PPM1H: variants seen among roughly 807,000 people sequenced by gnomAD.
The protein encoded by PPM1H is protein phosphatase 1H.
A neutral mutation model predicts 54.9 loss-of-function variants in PPM1H; 27 were observed. The ratio of observed to expected loss-of-function variants is 0.49; its 90% confidence interval spans 0.36 to 0.68. PPM1H has a LOEUF of 0.68. Ranked by LOEUF, PPM1H falls within the 30% of genes least tolerant of loss-of-function variation. The pLI is 0.00. For missense variants in PPM1H, 596 were observed against 667.8 expected, an observed-to-expected ratio of 0.89 and a Z score of 1.19; for synonymous variants, 305 against 270.8, an observed-to-expected ratio of 1.13 and a Z score of -1.24.
At chr12:62,931,601 A>G (rs1411489842) in intron 1 of PPM1H, among the ~76,000 whole-genome samples, 5 of 150,344 alleles carry the variant, frequency 3.3e-5, no homozygotes, top group African/African-American at 5.0e-5. Context: ...AGATGAATAC[A>G]TCATAATTTA....
Position 62,793,582 on chromosome 12 carries a change from G to A in PPM1H, c.757-5244C>T, listed in dbSNP as rs528765906. 4.6e-5 allele frequency among the ~76,000 whole-genome samples: 7 copies of A among 151,852 alleles called. No individual in the cohort carries two copies. In the East Asian group the frequency reaches 9.7e-4, roughly 21 times the overall value. ...TCTACTAAAAATACAAAATTAGCCG[G>A]GTGTGATGGCGCATGCTTGTAACCC... On this transcript the variant is annotated intron_variant, in intron 3 of 9. Transcript: ENST00000228705.
chr12:62,794,925 TC>T (rs905959628), intron 3 of PPM1H, among the ~76,000 whole-genome samples: 19 of 152,262 alleles, frequency 1.2e-4, no homozygotes, highest in Middle Eastern at 3.4e-3. Context: ...GAGATTTTGG[TC>T]CTTTAGGAAG....
intron 6 of PPM1H, among the ~76,000 whole-genome samples, chr12:62,719,127 A>G (rs893509767): frequency 2.0e-5 from 3 of 152,192 alleles, no homozygotes; most frequent in African/African-American, 7.2e-5. Context: ...CTTGGTTGGC[A>G]AAGGACAACC....
intron 9 of PPM1H, among the ~76,000 whole-genome samples, chr12:62,651,802 A>G (rs2075818113): frequency 6.6e-6 from 1 of 152,176 alleles, no homozygotes; most frequent in African/African-American, 2.4e-5. Context: ...AGCTTGATCC[A>G]AGGGTGGCTT....
At chr12:62,797,253 A>G (rs2076739816) in intron 3 of PPM1H, among the ~76,000 whole-genome samples, 1 of 152,196 alleles carries the variant, frequency 6.6e-6, no homozygotes, top group African/African-American at 2.4e-5. Context: ...GAATCTCCAG[A>G]GGGACAGCTG....
chr12:62,768,962 G>A (rs1268425013), intron 4 of PPM1H, among the ~76,000 whole-genome samples: 2 of 152,166 alleles, frequency 1.3e-5, no homozygotes, highest in Non-Finnish European at 2.9e-5. Flanking sequence ...GGCCTAACCT[G>A]AGACATGTTT....
At position 62,699,006 on chromosome 12, in the gene PPM1H, C is replaced by A. The variant is rs111763951; in HGVS notation, c.1074-5007G>T. Among the ~76,000 whole-genome samples, 337 of 152,260 alleles carry A rather than the reference C, an allele frequency of 2.2e-3. 4 individuals are homozygous for A. The highest frequency in any genetic ancestry group is 4.6e-3 in the Admixed American group (70 of 15,290). On this transcript the variant is annotated intron_variant, in intron 6 of 9. Transcript: ENST00000228705. ...TAAATTTGATAAGCAGCCCTGCCAT[C>A]TTCATCCACATCACTGAAAAAATTG...
At chr12:62,738,114 A>C (rs1447948631) in intron 4 of PPM1H, among the ~76,000 whole-genome samples, 2 of 152,186 alleles carry the variant, frequency 1.3e-5, no homozygotes, top group Admixed American at 1.3e-4. Flanking sequence ...AAGCGGTCAC[A>C]TATGGCTAGT....
intron 8 of PPM1H, among the ~76,000 whole-genome samples, chr12:62,672,847 T>C (rs1299864783): frequency 6.6e-6 from 1 of 152,232 alleles, no homozygotes; most frequent in Non-Finnish European, 1.5e-5. Flanking sequence ...GTATTTCCTC[T>C]GTGGGTCTAG....
chr12:62,839,884 A>AAAAAAAAAAAAAAAAC (rs1555200469), intron 1 of PPM1H, among the ~76,000 whole-genome samples: 1 of 150,168 alleles, frequency 6.7e-6, no homozygotes, highest in African/African-American at 2.5e-5. Flanking sequence ...CAAAAAAAAA[A>AAAAAAAAAAAAAAAAC]AAAAAACACC....
At chr12:62,648,753 C>G (rs775667145) in intron 9 of PPM1H, 117 bp from the exon 10 acceptor site, 47 of 1,136,580 alleles carry the variant, frequency 4.1e-5, no homozygotes, top group Non-Finnish European at 5.7e-5. Context: ...TTCAAATACA[C>G]TTACAATACG....
At chr12:62,769,206 G>T (rs2076563424) in intron 4 of PPM1H, among the ~76,000 whole-genome samples, 1 of 152,186 alleles carries the variant, frequency 6.6e-6, no homozygotes, top group Non-Finnish European at 1.5e-5. Flanking sequence ...GGCTAGTCTA[G>T]CTCTTCCTGC....
chr12:62,903,976 C>G (rs571564634), intron 1 of PPM1H, among the ~76,000 whole-genome samples: 1 of 152,084 alleles, frequency 6.6e-6, no homozygotes, highest in East Asian at 1.9e-4. Context: ...CCTGTAATAG[C>G]AAATCTTAGT....
At chr12:62,864,472 T>A (rs1267854928) in intron 1 of PPM1H, among the ~76,000 whole-genome samples, 1 of 152,258 alleles carries the variant, frequency 6.6e-6, no homozygotes, top group Non-Finnish European at 1.5e-5. Context: ...GCTGGTTTTG[T>A]CTGCTATATA....
intron 5 of PPM1H, among the ~76,000 whole-genome samples, chr12:62,735,476 C>T (rs342160): frequency 0.032 from 4,821 of 152,274 alleles, 250 homozygotes; most frequent in African/African-American, 0.11. Context: ...CCTCAGCCTT[C>T]CAAAGTGCTG....
intron 9 of PPM1H, among the ~76,000 whole-genome samples, chr12:62,649,782 C>G (rs1452117444): frequency 6.6e-6 from 1 of 152,172 alleles, no homozygotes; most frequent in Non-Finnish European, 1.5e-5. Context: ...GCTTAAATGT[C>G]AAGTGGCATT....
chr12:62,895,441 T>C (rs186143578), intron 1 of PPM1H, among the ~76,000 whole-genome samples: 1 of 152,314 alleles, frequency 6.6e-6, no homozygotes, highest in East Asian at 1.9e-4. Context: ...GTTCTCAATG[T>C]GTAGTGCTTA....
chr12:62,663,744 C>A (rs1239962815), intron 9 of PPM1H, among the ~76,000 whole-genome samples: 1 of 152,194 alleles, frequency 6.6e-6, no homozygotes, highest in Non-Finnish European at 1.5e-5. Flanking sequence ...GTAATCCCAG[C>A]ACTTTGGGAG....
At chr12:62,896,417 A>G (rs182925706) in intron 1 of PPM1H, among the ~76,000 whole-genome samples, 2 of 152,206 alleles carry the variant, frequency 1.3e-5, no homozygotes, top group African/African-American at 2.4e-5. Flanking sequence ...AAATCAAACA[A>G]CCCCATCAAA....
Sources: gnomAD v4.1 joint callset for allele counts (sites outside exome capture counted in the v4.1 genomes callset) on GRCh38, gnomAD v4.1.1 for gene constraint, MANE v1.5 for transcripts, NCBI Gene and HGNC (gene_info 2026-07-23, HGNC 2026-07-21) for gene names.